Variants in ADRA1D observed in about 807,000 individuals in gnomAD.
The protein encoded by ADRA1D is alpha-1D adrenergic receptor.
Under a neutral mutation model 18.6 loss-of-function variants are expected in ADRA1D, and 22 were observed. The observed-to-expected ratio is 1.19, with a 90% CI of 0.85 to 1.69. The LOEUF (loss-of-function observed/expected upper bound fraction) is 1.69, where lower values mean the gene tolerates loss of function less well. ADRA1D is among the 40% of genes most tolerant of loss of function. The pLI is 0.00. For synonymous variants in ADRA1D, 376 were observed against 388.2 expected, an observed-to-expected ratio of 0.97 and a Z score of 0.37; for missense variants, 840 against 840.7, an observed-to-expected ratio of 1.00 and a Z score of 0.01.
intron 1 of ADRA1D, among the ~76,000 whole-genome samples, chr20:4,244,501 A>T (rs1981288897): frequency 6.6e-6 from 1 of 152,120 alleles, no homozygotes; most frequent in South Asian, 2.1e-4. Context: ...ATGCTCCTGC[A>T]ACCATCCCCA....
chr20:4,235,373 G>A (rs894165555), intron 1 of ADRA1D, among the ~76,000 whole-genome samples: 2 of 152,190 alleles, frequency 1.3e-5, no homozygotes, highest in African/African-American at 4.8e-5. Context: ...GTCTCCACCA[G>A]GCCCCACCCA....
At chr20:4,223,688 CA>C (rs1980726663) in intron 1 of ADRA1D, among the ~76,000 whole-genome samples, 1 of 152,136 alleles carries the variant, frequency 6.6e-6, no homozygotes, top group African/African-American at 2.4e-5. Flanking sequence ...CCCAAAGAAC[CA>C]TCCTGTTTTT....
At chr20:4,226,885 C>T (rs559972854) in intron 1 of ADRA1D, among the ~76,000 whole-genome samples, 1 of 152,318 alleles carries the variant, frequency 6.6e-6, no homozygotes, top group East Asian at 1.9e-4. Flanking sequence ...CTCACAGATG[C>T]CGGTTTGAAT....
intron 1 of ADRA1D, among the ~76,000 whole-genome samples, chr20:4,225,428 C>CTT (rs11474446): frequency 0.38 from 45,373 of 118,802 alleles, 10,387 homozygotes; most frequent in East Asian, 0.63. Context: ...TTTTTTCTTT[C>CTT]TTTTTTTTTT....
At chr20:4,224,840 C>T (rs1323298760) in intron 1 of ADRA1D, among the ~76,000 whole-genome samples, 2 of 151,922 alleles carry the variant, frequency 1.3e-5, no homozygotes, top group Non-Finnish European at 2.9e-5. Flanking sequence ...TGGGGAATAT[C>T]GGCTTTGCTT....
rs1600843746 is a variant in ADRA1D at position 4,221,961 on chromosome 20, G to C, written c.1281C>G (p.Arg427=). ...LRCQCRRRRR[R]RPLWRVYGHH... ...GGCCGTAGACACGCCAGAGAGGGCGGCGGCGCCGGCGACGACGGCACTGGC... is the reference window on the plus strand; with the variant it reads ...GGCCGTAGACACGCCAGAGAGGGCGCCGGCGCCGGCGACGACGGCACTGGC... The change falls in exon 2 of 2, where the codon CGC becomes CGG. Residue 427 remains arginine (R), a synonymous_variant. Coordinates refer to ENST00000379453, the MANE Select transcript of ADRA1D (RefSeq NM_000678.4). 2 of 1,549,864 alleles carry C rather than the reference G, an allele frequency of 1.3e-6. No individual in the cohort carries two copies. The highest frequency in any genetic ancestry group is 1.4e-5 in the African/African-American group (1 of 72,758).
At chr20:4,231,067 TCTCTCTCTCTCTC>T in intron 1 of ADRA1D, among the ~76,000 whole-genome samples, 2 of 80,458 alleles carry the variant, frequency 2.5e-5, no homozygotes, top group African/African-American at 1.1e-4. Flanking sequence ...TCTTTCTTTC[TCTCTCTCTCTCTC>T]TCTTTTCTTT....
In ADRA1D at chr20:4,221,668, C is replaced by G. The variant is rs150684653; in HGVS notation, c.1574G>C (p.Gly525Ala). Reference sequence around the variant, plus strand: ...GCACGCTGCCTCTGCGCGCTGCGCGCCCCCGGCGCGGATCTTGTGCGACAG... The same window carrying G: ...GCACGCTGCCTCTGCGCGCTGCGCGGCCCCGGCGCGGATCTTGTGCGACAG... ...SSLSHKIRAG[G>A]AQRAEAACAQ... The change falls in exon 2 of 2, where the codon GGC (glycine) becomes GCC (alanine). Residue 525 changes from glycine (G) to alanine (A), a missense_variant. Coordinates refer to ENST00000379453, the MANE Select transcript of ADRA1D (RefSeq NM_000678.4). 6,389 of 1,612,604 alleles carry G rather than the reference C, an allele frequency of 4.0e-3. 17 individuals carry two copies. Among genetic ancestry groups the G allele is most frequent in the Non-Finnish European group, 4.3e-3 (5,054 of 1,179,598 alleles).
intron 1 of ADRA1D, among the ~76,000 whole-genome samples, chr20:4,230,930 A>G (rs1343252462): frequency 1.3e-4 from 20 of 152,216 alleles, no homozygotes; most frequent in Non-Finnish European, 1.5e-5. Flanking sequence ...ACAGGTTCAT[A>G]CAATTTGCTA....
rs56233407 is a variant in ADRA1D at position 4,224,719 on chromosome 20, G to A, written c.1112-2589C>T. On this transcript the variant is annotated intron_variant, in intron 1 of 1. Transcript: ENST00000379453. The stretch of plus-strand genomic sequence containing the variant: ...GAGACCAAGCAGGCCAGGGGTAGGG[G>A]GGGGTCCTTAACAAATTATGGGACC... Among the ~76,000 whole-genome samples the A allele has an allele frequency of 2.9e-4, 40 of 137,548 alleles. 1 individual carries two copies. The highest frequency in any genetic ancestry group is 1.2e-3 in the East Asian group (5 of 4,252). 90.2% of individuals were successfully genotyped at this position (137,548 alleles called of 152,430 possible).
At position 4,248,850 on chromosome 20, in the gene ADRA1D, G is replaced by T; in HGVS notation, c.108C>A (p.Ala36=). ...GGGGGSAGGA[A]PSEGPAVGGV... ...CGCCCACCGCCGGGCCCTCCGAGGGGGCCGCGCCGCCCGCGCTGCCCCCGC... is the reference window on the plus strand; with the variant it reads ...CGCCCACCGCCGGGCCCTCCGAGGGTGCCGCGCCGCCCGCGCTGCCCCCGC... The change falls in exon 1 of 2, where the codon GCC becomes GCA. Residue 36 remains alanine (A), a synonymous_variant. Coordinates refer to ENST00000379453, the MANE Select transcript of ADRA1D (RefSeq NM_000678.4). 1 of 1,017,900 alleles carries T rather than the reference G, an allele frequency of 9.8e-7. No homozygotes were observed. The highest frequency in any genetic ancestry group is 1.2e-6 in the Non-Finnish European group (1 of 849,132). 63.1% of individuals were successfully genotyped at this position (1,017,900 alleles called of 1,614,324 possible). A position where few individuals can be genotyped will look rare whatever the true frequency, so the allele number is the denominator to read the frequency against.
At chr20:4,223,513 C>A (rs891265891) in intron 1 of ADRA1D, among the ~76,000 whole-genome samples, 1 of 152,156 alleles carries the variant, frequency 6.6e-6, no homozygotes, top group African/African-American at 2.4e-5. Context: ...ACACATGGCC[C>A]TTATTTCCCA....
At chr20:4,228,271 G>A (rs1270958316) in intron 1 of ADRA1D, among the ~76,000 whole-genome samples, 3 of 152,138 alleles carry the variant, frequency 2.0e-5, no homozygotes, top group East Asian at 1.9e-4. Context: ...CACGCTTGGG[G>A]TCTTTGACCT....
rs554410011 is a variant in ADRA1D at position 4,248,331 on chromosome 20, G to A, written c.627C>T (p.Thr209=). 7 of 1,605,514 alleles carry A rather than the reference G, an allele frequency of 4.4e-6. No individual in the cohort carries two copies. The African/African-American group carries it at 5.3e-5, about 12-fold the overall frequency. ...RHSLKYPAIM[T]ERKAAAILAL... is the part of the protein sequence containing the mutation. ...CCAGGATGGCGGCCGCCTTGCGCTC[G>A]GTCATGATGGCTGGGTACTTGAGTG... is the stretch of plus-strand genomic sequence containing the variant. Residue 209 remains threonine (T), a synonymous_variant, in exon 1 of 2, where the codon ACC becomes ACT. Transcript: ENST00000379453.
intron 1 of ADRA1D, among the ~76,000 whole-genome samples, chr20:4,237,657 ATTTT>A (rs11476310): frequency 4.1e-5 from 5 of 121,082 alleles, no homozygotes; most frequent in African/African-American, 1.2e-4. Flanking sequence ...TAATGTCAGG[ATTTT>A]TTTTTTTTTT....
rs774326489 is a variant in ADRA1D, at chr20:4,222,048, G to C, written c.1194C>G (p.Asn398Lys). 5 of 1,612,168 alleles carry C rather than the reference G, an allele frequency of 3.1e-6. No homozygotes were observed. The African/African-American group carries it at 6.7e-5, about 22-fold the overall frequency. ...GGCTGGAACAGGGGTAGATGAGCGG[G>C]TTCACGCAGCTGTTGAAGTAGCCGA... ...FWLGYFNSCV[N>K]PLIYPCSSRE... The change falls in exon 2 of 2, where the codon AAC (asparagine) becomes AAG (lysine). Residue 398 changes from asparagine to lysine, a missense_variant. Coordinates refer to ENST00000379453, the MANE Select transcript of ADRA1D (RefSeq NM_000678.4). This position sits in a 1 kb window ranked among gnomAD's most constrained non-coding sequence, Gnocchi z 4.3.
intron 1 of ADRA1D, among the ~76,000 whole-genome samples, chr20:4,227,645 C>A (rs1046877620): frequency 1.3e-5 from 2 of 148,152 alleles, no homozygotes; most frequent in Admixed American, 6.8e-5. Context: ...ACCTGCAGTG[C>A]CTTTCTTTCC....
chr20:4,230,733 G>A (rs1980933867), intron 1 of ADRA1D, among the ~76,000 whole-genome samples: 1 of 152,246 alleles, frequency 6.6e-6, no homozygotes. Flanking sequence ...GGCCAGTGCT[G>A]TCTTTGTCCT....
At position 4,222,215 on chromosome 20, in the gene ADRA1D, G is replaced by A. The variant is rs1980690865; in HGVS notation, c.1112-85C>T. ...CTGGGCGCAAAGGGGAGACCCTTCA[G>A]TAGCCTTGGCTGAGTCATTGACTAG... is the stretch of plus-strand genomic sequence containing the variant. On this transcript the variant is annotated intron_variant, in intron 1 of 1. Coordinates refer to ENST00000379453, the MANE Select transcript of ADRA1D (RefSeq NM_000678.4). This position sits in a 1 kb window ranked among gnomAD's most constrained non-coding sequence, Gnocchi z 4.3. 2.0e-6 allele frequency: 3 copies of A among 1,522,652 alleles called. No individual in the cohort carries two copies. The highest frequency in any genetic ancestry group is 2.6e-6 in the Non-Finnish European group (3 of 1,137,024). The allele number at this position is 1,522,652 out of a possible 1,614,324, so 94.3% of individuals were successfully genotyped here.
Sources: allele counts gnomAD v4.1 joint callset (sites outside exome capture counted in the v4.1 genomes callset), GRCh38; gene constraint gnomAD v4.1.1; non-coding constraint Gnocchi (gnomAD v3.1); transcripts MANE v1.5; gene names NCBI Gene and HGNC (gene_info 2026-07-23, HGNC 2026-07-21).